CSGALNACT1: variants seen among roughly 807,000 people sequenced by gnomAD.
The protein encoded by CSGALNACT1 is chondroitin sulfate N-acetylgalactosaminyltransferase 1.
CSGALNACT1 carries 52 observed loss-of-function variants against 51.0 expected under a neutral mutation model. The ratio of observed to expected loss-of-function variants is 1.02; its 90% CI spans 0.82 to 1.29. The LOEUF is 1.29. Ranked by LOEUF, CSGALNACT1 falls within the 50% of genes most tolerant of loss-of-function variation. The pLI, the probability that CSGALNACT1 is intolerant of heterozygous loss-of-function variation, is 0.00. For missense variants in CSGALNACT1, 935 were observed against 679.2 expected (o/e 1.38, Z -4.19); for synonymous variants, 341 against 254.4 (o/e 1.34, Z -3.24).
chr8:19,733,833 G>T lies in CSGALNACT1; in HGVS notation c.-297+24017C>A, dbSNP rs1019666784. 9.9e-5 allele frequency among the ~76,000 whole-genome samples: 15 copies of T among 152,040 alleles called. No homozygotes were observed. The East Asian group carries it at 2.7e-3, about 27-fold the overall frequency. Reference sequence around the variant, plus strand: ...TTTTTTTTCCGTATTGTACATGAAAGTAGCCAGAAGGGAACCTCTGCTGCC... The same window carrying T: ...TTTTTTTTCCGTATTGTACATGAAATTAGCCAGAAGGGAACCTCTGCTGCC... On this transcript the variant is annotated intron_variant, in intron 1 of 1. Coordinates refer to the CSGALNACT1 transcript ENST00000517494.
At chr8:19,721,105 G>A (rs2063103701) in intron 1 of CSGALNACT1, among the ~76,000 whole-genome samples, 1 of 152,238 alleles carries the variant, frequency 6.6e-6, no homozygotes, top group East Asian at 1.9e-4. Context: ...CTGGAATTCA[G>A]TCACCTTGAA....
chr8:19,517,954 C>A (rs974035297), intron 3 of CSGALNACT1, among the ~76,000 whole-genome samples: 7 of 152,176 alleles, frequency 4.6e-5, no homozygotes, highest in African/African-American at 1.7e-4. Flanking sequence ...ATGTGTCAAA[C>A]TAACATTCTT....
intron 1 of CSGALNACT1, among the ~76,000 whole-genome samples, chr8:19,622,571 GTAGCATATAAATTTGA>G (rs1402543556): frequency 1.3e-5 from 2 of 152,296 alleles, no homozygotes; most frequent in Non-Finnish European, 2.9e-5. Context: ...ATTCAGGATA[GTAGCATATAAATTTGA>G]AAGGGGTATA....
chr8:19,581,980 A>G (rs2045679313), intron 3 of CSGALNACT1, among the ~76,000 whole-genome samples: 2 of 152,152 alleles, frequency 1.3e-5, no homozygotes, highest in South Asian at 4.1e-4. Flanking sequence ...AAAGGTTGCA[A>G]TTTTTCTTAA....
At chr8:19,449,485 A>G (rs1347385250) in intron 5 of CSGALNACT1, among the ~76,000 whole-genome samples, 2 of 152,200 alleles carry the variant, frequency 1.3e-5, no homozygotes, top group Non-Finnish European at 1.5e-5. Flanking sequence ...CCTTTCTGTC[A>G]TATATACCAG....
chr8:19,532,934 G>A (rs1252612114), intron 3 of CSGALNACT1, among the ~76,000 whole-genome samples: 2 of 151,984 alleles, frequency 1.3e-5, no homozygotes, highest in African/African-American at 2.4e-5. Flanking sequence ...CATCCCATCC[G>A]ATCAACACTG....
chr8:19,503,436 T>C (rs2076758317), intron 4 of CSGALNACT1, among the ~76,000 whole-genome samples: 1 of 152,196 alleles, frequency 6.6e-6, no homozygotes, highest in Non-Finnish European at 1.5e-5. Context: ...AGATTTCAAA[T>C]ATGAATGCAG....
At chr8:19,661,953 T>G (rs946978296) in intron 1 of CSGALNACT1, among the ~76,000 whole-genome samples, 3 of 151,830 alleles carry the variant, frequency 2.0e-5, no homozygotes, top group Non-Finnish European at 4.4e-5. Flanking sequence ...GAAGCCTATT[T>G]CCATAGCAGT....
At chr8:19,735,399 T>C (rs2063915321) in intron 1 of CSGALNACT1, among the ~76,000 whole-genome samples, 1 of 152,022 alleles carries the variant, frequency 6.6e-6, no homozygotes, top group African/African-American at 2.4e-5. Flanking sequence ...ACTTTAAATA[T>C]AGGCCTCAAA....
At chr8:19,449,530 C>T (rs530072890) in intron 5 of CSGALNACT1, among the ~76,000 whole-genome samples, 12 of 152,206 alleles carry the variant, frequency 7.9e-5, no homozygotes, top group South Asian at 2.1e-4. Context: ...TTTCAATTTC[C>T]GAGACTCTAC....
At chr8:19,432,079 C>T (rs937546459) in intron 6 of CSGALNACT1, among the ~76,000 whole-genome samples, 1 of 152,112 alleles carries the variant, frequency 6.6e-6, no homozygotes, top group Non-Finnish European at 1.5e-5. Context: ...TTTACGTCTT[C>T]ATGTGGATTT....
At position 19,625,650 on chromosome 8, in the gene CSGALNACT1, C is replaced by T. The variant is rs79269724; in HGVS notation, c.-543-23785G>A. Among the ~76,000 whole-genome samples the T allele has an allele frequency of 5.6e-4, 86 of 152,324 alleles. 1 individual carries two copies. In the East Asian group the frequency reaches 0.015, roughly 27 times the overall value. On this transcript the variant is annotated intron_variant, in intron 1 of 9. Coordinates refer to the CSGALNACT1 transcript ENST00000332246. Reference sequence around the variant, plus strand: ...AAGCTGACTCTATACTATAGCGGATCATGCTGTCTCTGCAACACAACAGTG... The same window carrying T: ...AAGCTGACTCTATACTATAGCGGATTATGCTGTCTCTGCAACACAACAGTG...
At chr8:19,504,803 C>T (rs545649878) in intron 4 of CSGALNACT1, among the ~76,000 whole-genome samples, 4 of 152,292 alleles carry the variant, frequency 2.6e-5, no homozygotes, top group South Asian at 2.1e-4. Flanking sequence ...ATAAGTGTGG[C>T]TGGCACATGT....
At chr8:19,420,389 G>C (rs780555330) in exon 7 of CSGALNACT1, 2 of 1,614,172 alleles carry the variant, frequency 1.2e-6, no homozygotes, top group East Asian at 2.2e-5. Context: ...ATGTGAAGTA[G>C]ATGTCCACAT....
chr8:19,408,531 C>T (rs1305613742), intron 9 of CSGALNACT1, 82 bp downstream of exon 8: 1 of 820,240 alleles, frequency 1.2e-6, no homozygotes, highest in Admixed American at 1.9e-5. Flanking sequence ...AACCAGACTC[C>T]TTGGAAACCC....
chr8:19,665,410 C>T lies in CSGALNACT1; in HGVS notation c.-544+17063G>A, dbSNP rs75766098. On this transcript the variant is annotated intron_variant, in intron 1 of 9. Coordinates refer to the CSGALNACT1 transcript ENST00000332246. ...GTTACAAATGTCTGTTTATGAACAG[C>T]TTGCTTCCTAAGATAACGTCCGGGG... 3.4e-4 allele frequency among the ~76,000 whole-genome samples: 52 copies of T among 152,222 alleles called. No individual in the cohort carries two copies. In the East Asian group the frequency reaches 9.8e-3, roughly 29 times the overall value.
At chr8:19,464,682 T>C (rs1422340087) in intron 4 of CSGALNACT1, among the ~76,000 whole-genome samples, 3 of 152,196 alleles carry the variant, frequency 2.0e-5, no homozygotes, top group Admixed American at 2.0e-4. Context: ...TACTGTGAAC[T>C]GCACATGTAA....
chr8:19,470,044 A>G (rs1449455576), intron 4 of CSGALNACT1, among the ~76,000 whole-genome samples: 1 of 152,106 alleles, frequency 6.6e-6, no homozygotes, highest in African/African-American at 2.4e-5. Context: ...GGAAAAAGCA[A>G]CATACTTCCT....
Position 19,483,237 on chromosome 8 carries a change from A to G in CSGALNACT1, c.634+21964T>C, listed in dbSNP as rs140200014. On this transcript the variant is annotated intron_variant, in intron 4 of 9. Coordinates refer to ENST00000454498, the Ensembl canonical transcript of CSGALNACT1. Reference sequence around the variant, plus strand: ...TTCTCAACAGAGCAGACAAAGCAATATTTCTAAATATAATTCTAATAATGT... The same window carrying G: ...TTCTCAACAGAGCAGACAAAGCAATGTTTCTAAATATAATTCTAATAATGT... Among the ~76,000 whole-genome samples the G allele has an allele frequency of 3.4e-3, 521 of 152,290 alleles. 3 individuals carry two copies. Among genetic ancestry groups the G allele is most frequent in the African/African-American group, 0.012 (499 of 41,560 alleles).
Sources: allele counts gnomAD v4.1 joint callset (sites outside exome capture counted in the v4.1 genomes callset), GRCh38; gene constraint gnomAD v4.1.1; transcripts MANE v1.5; gene names NCBI Gene and HGNC (gene_info 2026-07-23, HGNC 2026-07-21).